The following POU6F2 variants were observed in gnomAD, a reference collection of about 807,000 sequenced individuals.
POU6F2 encodes the protein POU domain, class 6, transcription factor 2.
A neutral mutation model predicts 71.3 loss-of-function variants in POU6F2; 31 were observed. The observed-to-expected ratio is 0.43, with a 90% CI of 0.33 to 0.59. The LOEUF (loss-of-function observed/expected upper bound fraction) is 0.59. Among genes scored for constraint, POU6F2 ranks in the 20% least tolerant of loss-of-function variants. The probability of loss-of-function intolerance (pLI) is 0.04; values close to 1 mark genes in which losing one functional copy is unlikely to be tolerated. For synonymous variants in POU6F2, 347 were observed against 355.7 expected (o/e 0.98, Z 0.27); for missense variants, 783 against 856.8 (o/e 0.91, Z 1.07).
chr7:39,130,147 GGTGTGTGTGTGT>G (rs10600961), intron 2 of POU6F2, among the ~76,000 whole-genome samples: 68 of 143,332 alleles, frequency 4.7e-4, no homozygotes, highest in East Asian at 1.0e-3. Flanking sequence ...GAAAGGGGTA[GGTGTGTGTGTGT>G]GTGTGTGTGT....
intron 2 of POU6F2, among the ~76,000 whole-genome samples, chr7:39,176,849 G>A (rs1247396612): frequency 6.6e-6 from 1 of 152,152 alleles, no homozygotes; most frequent in East Asian, 1.9e-4. Context: ...AGTAGCCTTA[G>A]TCTGTTAAAA....
At chr7:39,142,174 G>A (rs920046449) in intron 2 of POU6F2, among the ~76,000 whole-genome samples, 11 of 152,136 alleles carry the variant, frequency 7.2e-5, no homozygotes, top group African/African-American at 2.4e-4. Flanking sequence ...GTCTTCTAAT[G>A]TAAGGTCATC....
intron 4 of POU6F2, among the ~76,000 whole-genome samples, chr7:39,308,779 C>T (rs141792742): frequency 9.9e-5 from 15 of 152,252 alleles, no homozygotes; most frequent in African/African-American, 2.9e-4. Flanking sequence ...AGGAAGTGGG[C>T]GCCCTGTGCC....
chr7:39,332,725 T>A (rs989167453), intron 4 of POU6F2, among the ~76,000 whole-genome samples: 6 of 152,240 alleles, frequency 3.9e-5, no homozygotes, highest in Non-Finnish European at 8.8e-5. Context: ...CTTTTTGGAT[T>A]TTAAAAGATC....
intron 1 of POU6F2, among the ~76,000 whole-genome samples, chr7:39,023,706 A>G (rs1789732011): frequency 6.6e-6 from 1 of 152,086 alleles, no homozygotes; most frequent in Non-Finnish European, 1.5e-5. Context: ...GTAAAATCTA[A>G]TGTCCTCCTA....
chr7:39,361,966 A>T (rs1414458901), intron 5 of POU6F2, among the ~76,000 whole-genome samples: 1 of 152,230 alleles, frequency 6.6e-6, no homozygotes, highest in African/African-American at 2.4e-5. Flanking sequence ...ACAAGCGGCC[A>T]GCAGACAGGG....
chr7:39,054,336 A>G (rs1790462858), intron 1 of POU6F2, among the ~76,000 whole-genome samples: 1 of 152,060 alleles, frequency 6.6e-6, no homozygotes, highest in African/African-American at 2.4e-5. Flanking sequence ...GACCCTCACA[A>G]CAGTCATGGG....
chr7:39,395,741 A>G lies in POU6F2; in HGVS notation c.973-10859A>G, dbSNP rs191697792. Among the ~76,000 whole-genome samples, 189 of 152,318 alleles carry G rather than the reference A, an allele frequency of 1.2e-3. 2 individuals carry two copies. Among genetic ancestry groups the G allele is most frequent in the African/African-American group, 4.4e-3 (181 of 41,572 alleles). On this transcript the variant is annotated intron_variant, in intron 5 of 9. Coordinates refer to ENST00000518318, the MANE Select transcript of POU6F2 (RefSeq NM_001370959.1). ...CTTTTTTCTGCACTCAATAGCACCTATTGTCCCTTGTAAGAACTCAGCAAG... is the reference window on the plus strand; with the variant it reads ...CTTTTTTCTGCACTCAATAGCACCTGTTGTCCCTTGTAAGAACTCAGCAAG...
At chr7:38,999,795 T>C (rs1367526377) in intron 1 of POU6F2, among the ~76,000 whole-genome samples, 2 of 152,194 alleles carry the variant, frequency 1.3e-5, no homozygotes, top group African/African-American at 2.4e-5. Context: ...TTTAGATTTA[T>C]TATTGCTTTG....
At chr7:39,125,265 T>G (rs933857484) in intron 2 of POU6F2, among the ~76,000 whole-genome samples, 6 of 152,214 alleles carry the variant, frequency 3.9e-5, no homozygotes, top group African/African-American at 9.6e-5. Context: ...TGGCAGTGTG[T>G]TAGCAGAAAG....
chr7:38,992,990 A>G (rs1036056788), intron 1 of POU6F2, among the ~76,000 whole-genome samples: 4 of 152,204 alleles, frequency 2.6e-5, no homozygotes, highest in Non-Finnish European at 5.9e-5. Flanking sequence ...ATAATGAATA[A>G]AGAGATTATT....
At chr7:39,252,399 G>GACAGACACACAC (rs1554335522) in intron 4 of POU6F2, among the ~76,000 whole-genome samples, 29 of 144,258 alleles carry the variant, frequency 2.0e-4, no homozygotes, top group African/African-American at 6.1e-4. Flanking sequence ...CAGACAGACA[G>GACAGACACACAC]ACACACACAC....
rs908374343 is a variant in POU6F2, at chr7:39,087,302, A to T, written c.277+1271A>T. Among the ~76,000 whole-genome samples, 6 of 151,994 alleles carry T rather than the reference A, an allele frequency of 3.9e-5. No homozygotes were observed. The South Asian group carries it at 1.2e-3, about 32-fold the overall frequency. On this transcript the variant is annotated intron_variant, in intron 2 of 9. Transcript: ENST00000518318. ...ATTTTAAATGCTTACTCAATCAAACATTAGAGAGATGTCACAGAGAAACTC... is the reference window on the plus strand; with the variant it reads ...ATTTTAAATGCTTACTCAATCAAACTTTAGAGAGATGTCACAGAGAAACTC...
chr7:39,167,241 T>C (rs2128738117), intron 2 of POU6F2, among the ~76,000 whole-genome samples: 1 of 152,296 alleles, frequency 6.6e-6, no homozygotes, highest in South Asian at 2.1e-4. Flanking sequence ...CATACTTGTC[T>C]TATGCATGTT....
intron 4 of POU6F2, among the ~76,000 whole-genome samples, chr7:39,304,226 A>G (rs1785009298): frequency 6.6e-6 from 1 of 152,244 alleles, no homozygotes. Flanking sequence ...TTTAATATAT[A>G]AAGAAATCAC....
At chr7:39,350,668 A>G (rs536727535) in intron 5 of POU6F2, among the ~76,000 whole-genome samples, 5 of 152,342 alleles carry the variant, frequency 3.3e-5, no homozygotes, top group African/African-American at 1.2e-4. Flanking sequence ...GCCATTTGAC[A>G]CATCTTCAAG....
chr7:39,178,179 A>G (rs974579992), intron 2 of POU6F2, among the ~76,000 whole-genome samples: 4 of 152,128 alleles, frequency 2.6e-5, no homozygotes, highest in African/African-American at 9.7e-5. Flanking sequence ...GCTTGAACTC[A>G]GGTGGCAGAG....
chr7:39,422,675 G>A (rs903398284), intron 6 of POU6F2, among the ~76,000 whole-genome samples: 1 of 152,126 alleles, frequency 6.6e-6, no homozygotes, highest in Non-Finnish European at 1.5e-5. Flanking sequence ...CAAAGTTGAG[G>A]TCATTTTCCA....
In POU6F2 at chr7:39,204,298, C is replaced by A; in HGVS notation, c.341C>A (p.Thr114Asn). The A allele has an allele frequency of 1.9e-6, 3 of 1,613,804 alleles. No individual in the cohort carries two copies. The highest frequency in any genetic ancestry group is 2.5e-6 in the Non-Finnish European group (3 of 1,179,796). The change falls in exon 3 of 10, where the codon ACC becomes AAC. Residue 114 changes from threonine to asparagine, a missense_variant. By Grantham distance (65) the Thr-to-Asn change is moderately conservative (BLOSUM62 0). Coordinates refer to ENST00000518318, the MANE Select transcript of POU6F2 (RefSeq NM_001370959.1). ...CCTGACCAACACCAGGCCAGTCAGA[C>A]CCACCCCCCATTTCCAGTTGGGCCA... ...GTPDQHQASQ[T>N]HPPFPVGPQP...
Sources: gnomAD v4.1 joint callset for allele counts (sites outside exome capture counted in the v4.1 genomes callset) on GRCh38, gnomAD v4.1.1 for gene constraint, MANE v1.5 for transcripts, NCBI Gene and HGNC (gene_info 2026-07-23, HGNC 2026-07-21) for gene names.